PRORP: variants seen among roughly 807,000 people sequenced by gnomAD.
PRORP encodes the protein protein only RNase P catalytic subunit, also known as mitochondrial ribonuclease P catalytic subunit.
In PRORP, 51 loss-of-function variants were observed where a neutral mutation model predicts 59.4. The observed-to-expected ratio is 0.86, with a 90% CI of 0.69 to 1.08. PRORP has a LOEUF of 1.08. PRORP is among the 50% of genes least tolerant of loss of function. The probability of loss-of-function intolerance (pLI) is 0.00; values close to 1 mark genes in which losing one functional copy is unlikely to be tolerated. For missense variants in PRORP, 646 were observed against 690.3 expected (o/e 0.94, Z 0.72); for synonymous variants, 231 against 245.6 (o/e 0.94, Z 0.55).
intron 5 of PRORP, among the ~76,000 whole-genome samples, chr14:35,232,017 A>G (rs1595353231): frequency 6.6e-6 from 1 of 152,224 alleles, no homozygotes; most frequent in East Asian, 1.9e-4. Context: ...ATTGGATAAG[A>G]AAAACAGCTT....
chr14:35,202,700 G>A (rs2049188107), intron 5 of PRORP, among the ~76,000 whole-genome samples: 1 of 152,034 alleles, frequency 6.6e-6, no homozygotes, highest in African/African-American at 2.4e-5. Flanking sequence ...CAGGATTATA[G>A]CTCACTGCAG....
At chr14:35,209,575 A>G (rs2049384119) in intron 5 of PRORP, among the ~76,000 whole-genome samples, 4 of 152,118 alleles carry the variant, frequency 2.6e-5, no homozygotes, top group Admixed American at 2.6e-4. Context: ...TTTTTGAGAC[A>G]GGGTCTCGCT....
chr14:35,176,503 A>G (rs1480304728), intron 4 of PRORP, among the ~76,000 whole-genome samples: 3 of 152,114 alleles, frequency 2.0e-5, no homozygotes, highest in Non-Finnish European at 4.4e-5. Context: ...CTTAGTAGCA[A>G]TTTTGAATGG....
At chr14:35,231,809 T>C (rs2050088876) in intron 5 of PRORP, among the ~76,000 whole-genome samples, 1 of 152,190 alleles carries the variant, frequency 6.6e-6, no homozygotes, top group African/African-American at 2.4e-5. Flanking sequence ...TTGAGGGTTG[T>C]AAAGTATAGG....
At chr14:35,215,835 C>T (rs1401026309) in intron 5 of PRORP, among the ~76,000 whole-genome samples, 3 of 151,538 alleles carry the variant, frequency 2.0e-5, no homozygotes, top group East Asian at 1.9e-4. Flanking sequence ...GGCATGATCT[C>T]GGCTCACCAC....
At chr14:35,147,209 T>A (rs908760407) in intron 4 of PRORP, among the ~76,000 whole-genome samples, 3 of 152,206 alleles carry the variant, frequency 2.0e-5, no homozygotes, top group Non-Finnish European at 4.4e-5. Context: ...ACCTTATTGC[T>A]AAAAAATATG....
At chr14:35,184,811 A>C (rs996934825) in intron 5 of PRORP, among the ~76,000 whole-genome samples, 1 of 152,164 alleles carries the variant, frequency 6.6e-6, no homozygotes, top group African/African-American at 2.4e-5. Context: ...TGCTAACGAT[A>C]ATAGCCTCCA....
At chr14:35,221,671 G>C (rs925329357) in intron 5 of PRORP, among the ~76,000 whole-genome samples, 3 of 152,166 alleles carry the variant, frequency 2.0e-5, no homozygotes, top group Admixed American at 6.5e-5. Context: ...AATGTGGTTA[G>C]AGACATTTCA....
At chr14:35,253,735 T>C (rs1345976746) in intron 5 of PRORP, among the ~76,000 whole-genome samples, 1 of 152,140 alleles carries the variant, frequency 6.6e-6, no homozygotes, top group Non-Finnish European at 1.5e-5. Context: ...CACTGGTACA[T>C]AGCTGCTCCC....
intron 4 of PRORP, among the ~76,000 whole-genome samples, chr14:35,169,696 A>G (rs552412105): frequency 0.12 from 18,882 of 152,136 alleles, 1,231 homozygotes; most frequent in Middle Eastern, 0.16. Context: ...TCTTCCCTTC[A>G]ACACCTGGGG....
At chr14:35,242,678 C>G (rs1301107921) in intron 5 of PRORP, among the ~76,000 whole-genome samples, 1 of 152,158 alleles carries the variant, frequency 6.6e-6, no homozygotes, top group African/African-American at 2.4e-5. Context: ...CTAGCTATAT[C>G]TCACGTATTT....
intron 5 of PRORP, among the ~76,000 whole-genome samples, chr14:35,192,323 A>G (rs1159088269): frequency 6.6e-6 from 1 of 152,206 alleles, no homozygotes; most frequent in African/African-American, 2.4e-5. Context: ...GATTCTTCCA[A>G]AGTAACCTCA....
chr14:35,166,021 T>C (rs1161512777), intron 4 of PRORP, among the ~76,000 whole-genome samples: 2 of 152,052 alleles, frequency 1.3e-5, no homozygotes, highest in African/African-American at 4.8e-5. Flanking sequence ...TTATATTTTT[T>C]TTAAAAAAAA....
chr14:35,246,603 C>CTGCTA lies in PRORP; in HGVS notation c.1276-20123_1276-20122insGCTAT, dbSNP rs2050491802. Among the ~76,000 whole-genome samples, 3 of 152,136 alleles carry CTGCTA rather than the reference C, an allele frequency of 2.0e-5. No homozygotes were observed. In the East Asian group the frequency reaches 5.8e-4, roughly 29 times the overall value. On this transcript the variant is annotated intron_variant, in intron 5 of 7. Transcript: ENST00000534898. ...TTATCTGCTTTCCAGCTTCCAAAAT[C>CTGCTA]TTGTTGCTATTGTCTCTAAAGTCAT...
Position 35,123,299 on chromosome 14 carries a change from A to G in PRORP, c.54A>G (p.Pro18=). ...IRSFPKLWKS[P]YLGLGPGHSY... ...GCTTTCCGAAGCTTTGGAAGAGCCC[A>G]TACCTTGGGCTAGGCCCAGGGCACT... The change falls in exon 2 of 8, where the codon CCA becomes CCG. Residue 18 remains proline, a synonymous_variant. Transcript: ENST00000534898. The G allele has an allele frequency of 6.2e-7, 1 of 1,613,866 alleles. No homozygotes were observed. The highest frequency in any genetic ancestry group is 8.5e-7 in the Non-Finnish European group (1 of 1,180,028).
chr14:35,177,415 T>C lies in PRORP; in HGVS notation c.1168-3255T>C, dbSNP rs561711670. On this transcript the variant is annotated intron_variant, in intron 4 of 7. Transcript: ENST00000534898. ...GTAGGCTATTAATTATTGCCTCAAT[T>C]TCAGATCCTGTTATTGGTCTATTCA... Among the ~76,000 whole-genome samples, 178 of 152,338 alleles carry C rather than the reference T, an allele frequency of 1.2e-3. 1 individual carries two copies. The South Asian group carries it at 0.013, about 11-fold the overall frequency.
chr14:35,256,869 C>CTTTTTTT (rs71121272), intron 5 of PRORP, among the ~76,000 whole-genome samples: 1 of 136,896 alleles, frequency 7.3e-6, no homozygotes, highest in Non-Finnish European at 1.6e-5. Flanking sequence ...TGATAAAATC[C>CTTTTTTT]TTTTTTTTTT....
In PRORP at chr14:35,127,585, G is replaced by A. The variant is rs1197940515; in HGVS notation, c.1141G>A (p.Asp381Asn). The A allele has an allele frequency of 1.2e-6, 2 of 1,613,908 alleles. No individual in the cohort carries two copies. The highest frequency in any genetic ancestry group is 2.2e-5 in the East Asian group (1 of 44,878). The change falls in exon 4 of 8, where the codon GAC becomes AAC. Residue 381 changes from aspartate to asparagine, a missense_variant. Coordinates refer to ENST00000534898, the MANE Select transcript of PRORP (RefSeq NM_014672.4). Reference protein sequence around the residue: ...KIMRDVIDGGDQYRKTTPQEL... With the variant: ...KIMRDVIDGGNQYRKTTPQEL... ...CATGAGGGATGTGATAGATGGAGGT[G>A]ACCAGTACAGAAAGACAACACCTCA...
At chr14:35,181,362 A>G (rs537352272) in intron 5 of PRORP, among the ~76,000 whole-genome samples, 2 of 152,330 alleles carry the variant, frequency 1.3e-5, no homozygotes, top group Admixed American at 6.5e-5. Context: ...CTAATTTTGT[A>G]TAGTAAATCT....
Sources: gnomAD v4.1 joint callset for allele counts (sites outside exome capture counted in the v4.1 genomes callset) on GRCh38, gnomAD v4.1.1 for gene constraint, MANE v1.5 for transcripts, NCBI Gene and HGNC (gene_info 2026-07-23, HGNC 2026-07-21) for gene names.